Variants in KIAA1217 observed in about 807,000 individuals in gnomAD.
The protein encoded by KIAA1217 is KIAA1217.
In KIAA1217, 88 loss-of-function variants were observed where a neutral mutation model predicts 163.9. The observed-to-expected ratio is 0.54, with a 90% CI of 0.45 to 0.64. The LOEUF (loss-of-function observed/expected upper bound fraction) is 0.64, where lower values mean the gene tolerates loss of function less well. Ranked by LOEUF, KIAA1217 falls within the 30% of genes least tolerant of loss-of-function variation. The probability of loss-of-function intolerance (pLI) is 0.00; values close to 1 mark genes in which losing one functional copy is unlikely to be tolerated. For synonymous variants in KIAA1217, 903 were observed against 923.1 expected, an observed-to-expected ratio of 0.98 and a Z score of 0.39; for missense variants, 2,372 against 2,475.0, an observed-to-expected ratio of 0.96 and a Z score of 0.88.
At chr10:24,530,332 CTT>C (rs72218467) in intron 14 of KIAA1217, among the ~76,000 whole-genome samples, 9,619 of 152,054 alleles carry the variant, frequency 0.063, 410 homozygotes, top group South Asian at 0.15. Flanking sequence ...TTAAAATGCT[CTT>C]GTTTTTTCTT....
intron 5 of KIAA1217, 139 bp from the exon 6 acceptor site, chr10:24,473,089 C>A: frequency 1.7e-6 from 1 of 581,392 alleles, no homozygotes; most frequent in Non-Finnish European, 2.9e-6. Flanking sequence ...GTCTCTTTTG[C>A]CATGTAAGGA....
At chr10:23,720,734 C>G (rs1215545325) in intron 1 of KIAA1217, among the ~76,000 whole-genome samples, 1 of 152,112 alleles carries the variant, frequency 6.6e-6, no homozygotes, top group East Asian at 1.9e-4. Flanking sequence ...TTGGAATCCC[C>G]ATATCATGGA....
intron 9 of KIAA1217, among the ~76,000 whole-genome samples, chr10:24,507,582 G>A (rs559805240): frequency 6.6e-6 from 1 of 152,260 alleles, no homozygotes; most frequent in East Asian, 1.9e-4. Flanking sequence ...AATGGAAACT[G>A]TTCAAACTGA....
chr10:24,334,397 G>A (rs2046065217), intron 2 of KIAA1217, among the ~76,000 whole-genome samples: 1 of 149,808 alleles, frequency 6.7e-6, no homozygotes, highest in Non-Finnish European at 1.5e-5. Context: ...AAAGATGAAG[G>A]AAGGAAGGAA....
At chr10:23,910,935 T>C (rs2131268777) in intron 1 of KIAA1217, among the ~76,000 whole-genome samples, 1 of 152,052 alleles carries the variant, frequency 6.6e-6, no homozygotes, top group South Asian at 2.1e-4. Context: ...CATTCAGGAG[T>C]AGAGTCAGCA....
At chr10:23,987,616 TGTGTGTGTATGTGTAC>T (rs772880672) in intron 1 of KIAA1217, among the ~76,000 whole-genome samples, 1,470 of 76,142 alleles carry the variant, frequency 0.019, 11 homozygotes, top group Middle Eastern at 0.071. Flanking sequence ...TGTGTGTGTG[TGTGTGTGTATGTGTAC>T]GTGTGTGTGT....
At chr10:24,374,334 C>T (rs2052146281) in intron 2 of KIAA1217, among the ~76,000 whole-genome samples, 2 of 152,134 alleles carry the variant, frequency 1.3e-5, no homozygotes, top group Admixed American at 1.3e-4. Flanking sequence ...ACTAGTCATC[C>T]TGGCAAGTAT....
At chr10:24,542,097 T>C (rs1473900418) in intron 17 of KIAA1217, among the ~76,000 whole-genome samples, 3 of 152,198 alleles carry the variant, frequency 2.0e-5, no homozygotes, top group Admixed American at 6.5e-5. Context: ...ATAATGTTTT[T>C]TCGTCCCCAA....
At chr10:24,132,481 C>G (rs567058552) in intron 2 of KIAA1217, among the ~76,000 whole-genome samples, 1 of 152,126 alleles carries the variant, frequency 6.6e-6, no homozygotes, top group Non-Finnish European at 1.5e-5. Context: ...TTAGAGGCTA[C>G]GAGGAATATA....
rs138830087 is a variant in KIAA1217 at position 24,448,284 on chromosome 10, T to C, written c.846+9805T>C. 1.5e-3 allele frequency among the ~76,000 whole-genome samples: 222 copies of C among 152,306 alleles called. 2 individuals are homozygous for C. Among genetic ancestry groups the C allele is most frequent in the African/African-American group, 5.2e-3 (215 of 41,570 alleles). On this transcript the variant is annotated intron_variant, in intron 5 of 20. Transcript: ENST00000376454. The stretch of plus-strand genomic sequence containing the variant: ...AGTTTTCAGGAGTTGAATTCACCTG[T>C]GGTAGAACGTAAACTAAATCCCTAG...
chr10:24,066,617 T>G (rs971585002), intron 2 of KIAA1217, among the ~76,000 whole-genome samples: 1 of 152,184 alleles, frequency 6.6e-6, no homozygotes, highest in Admixed American at 6.5e-5. Flanking sequence ...GACAATTATG[T>G]GTCTTGGAGT....
chr10:24,315,933 G>A lies in KIAA1217; in HGVS notation c.355-64936G>A, dbSNP rs527833827. ...GTTTATCTTTATTTTATCTAATGGG[G>A]GGGGGGAATCCAAGGAGCTTTTTAA... On this transcript the variant is annotated intron_variant, in intron 2 of 20. Transcript: ENST00000376454. Among the ~76,000 whole-genome samples, 9 of 148,968 alleles carry A rather than the reference G, an allele frequency of 6.0e-5. No homozygotes were observed. In the South Asian group the frequency reaches 9.2e-4, roughly 15 times the overall value.
At chr10:23,859,214 G>A (rs1839845699) in intron 1 of KIAA1217, among the ~76,000 whole-genome samples, 1 of 152,088 alleles carries the variant, frequency 6.6e-6, no homozygotes, top group Non-Finnish European at 1.5e-5. Flanking sequence ...CTTTGTTATG[G>A]ACCTAAAGCC....
At chr10:24,541,290 G>A (rs1033391040) in intron 17 of KIAA1217, among the ~76,000 whole-genome samples, 1 of 151,796 alleles carries the variant, frequency 6.6e-6, no homozygotes, top group African/African-American at 2.4e-5. Flanking sequence ...ATGTGGCTCC[G>A]CTGCAGCAGC....
intron 6 of KIAA1217, among the ~76,000 whole-genome samples, chr10:24,487,444 C>T (rs548065458): frequency 9.8e-5 from 15 of 152,294 alleles, no homozygotes; most frequent in African/African-American, 2.4e-4. Context: ...AATCGTCTCC[C>T]GAGGCCATGA....
chr10:24,255,784 C>T (rs1487348181), intron 2 of KIAA1217, among the ~76,000 whole-genome samples: 1 of 152,160 alleles, frequency 6.6e-6, no homozygotes, highest in Admixed American at 6.5e-5. Context: ...TTATGCTTCT[C>T]AAGCAGAGAA....
At chr10:23,707,248 C>T (rs536799823) in intron 1 of KIAA1217, among the ~76,000 whole-genome samples, 65 of 151,860 alleles carry the variant, frequency 4.3e-4, no homozygotes, top group African/African-American at 1.5e-3. Flanking sequence ...GGTGTTCTGG[C>T]GGTGGGAATA....
At chr10:23,938,548 A>T (rs1843627456) in intron 1 of KIAA1217, among the ~76,000 whole-genome samples, 1 of 152,204 alleles carries the variant, frequency 6.6e-6, no homozygotes, top group African/African-American at 2.4e-5. Context: ...AAATTTTAAA[A>T]TTTGTATTAC....
intron 1 of KIAA1217, among the ~76,000 whole-genome samples, chr10:23,827,548 C>T (rs1486230961): frequency 2.0e-5 from 3 of 152,174 alleles, no homozygotes; most frequent in Non-Finnish European, 4.4e-5. Flanking sequence ...ATCTACTATG[C>T]CTCAGGCACT....
Sources: gnomAD v4.1 joint callset for allele counts (sites outside exome capture counted in the v4.1 genomes callset) on GRCh38, gnomAD v4.1.1 for gene constraint, MANE v1.5 for transcripts, NCBI Gene and HGNC (gene_info 2026-07-23, HGNC 2026-07-21) for gene names.